VOPP1: variants seen among roughly 807,000 people sequenced by gnomAD.
The protein encoded by VOPP1 is VOPP1 WW domain binding protein.
A neutral mutation model predicts 23.5 loss-of-function variants in VOPP1; 8 were observed. That is an observed-to-expected ratio of 0.34 (90% CI 0.20 to 0.61). The LOEUF is 0.61. Among genes scored for constraint, VOPP1 ranks in the 20% least tolerant of loss-of-function variants. The probability of loss-of-function intolerance (pLI) is 0.78; values close to 1 mark genes in which losing one functional copy is unlikely to be tolerated. For missense variants in VOPP1, 174 were observed against 238.1 expected, an observed-to-expected ratio of 0.73 and a Z score of 1.77; for synonymous variants, 83 against 97.3, an observed-to-expected ratio of 0.85 and a Z score of 0.86.
intron 4 of VOPP1, among the ~76,000 whole-genome samples, chr7:55,476,716 C>T (rs541217600): frequency 6.6e-6 from 1 of 152,244 alleles, no homozygotes; most frequent in African/African-American, 2.4e-5. Context: ...TGCTCTGTCC[C>T]CTCTGGCCCA....
chr7:55,505,306 T>C (rs1794636464), intron 2 of VOPP1, among the ~76,000 whole-genome samples: 1 of 152,132 alleles, frequency 6.6e-6, no homozygotes, highest in East Asian at 1.9e-4. Flanking sequence ...AATCTTTCCA[T>C]GCCCTGAAGC....
At chr7:55,553,041 G>A (rs1584109682) in intron 1 of VOPP1, among the ~76,000 whole-genome samples, 1 of 152,192 alleles carries the variant, frequency 6.6e-6, no homozygotes, top group African/African-American at 2.4e-5. Context: ...CAGTGTTATT[G>A]CTACAGCAAA....
chr7:55,442,981 T>C (rs996953898), intron 4 of VOPP1, among the ~76,000 whole-genome samples: 21 of 151,810 alleles, frequency 1.4e-4, no homozygotes, highest in Admixed American at 8.5e-4. Context: ...TAGCCAGGCG[T>C]GGTGGCAGGC....
At chr7:55,559,259 TG>T (rs1797906668) in intron 1 of VOPP1, among the ~76,000 whole-genome samples, 1 of 152,198 alleles carries the variant, frequency 6.6e-6, no homozygotes, top group South Asian at 2.1e-4. Flanking sequence ...CTTCCACTCT[TG>T]GCAGCTTCTC....
At chr7:55,447,330 G>C (rs1345141890) in intron 4 of VOPP1, among the ~76,000 whole-genome samples, 1 of 152,210 alleles carries the variant, frequency 6.6e-6, no homozygotes, top group African/African-American at 2.4e-5. Context: ...TACCCGGCTA[G>C]TGAGGGGCAC....
chr7:55,511,329 A>C (rs887009905), intron 2 of VOPP1, among the ~76,000 whole-genome samples: 1 of 152,250 alleles, frequency 6.6e-6, no homozygotes, highest in African/African-American at 2.4e-5. Context: ...GCTTTGATTC[A>C]GCAATTCAAT....
chr7:55,557,598 C>G lies in VOPP1; in HGVS notation c.54+14673G>C, dbSNP rs529521748. Reference sequence around the variant, plus strand: ...AGGACCCATCTAACACCAACCCCACCCAAAATGAGTGCCCCATTAGAAAAT... The same window carrying G: ...AGGACCCATCTAACACCAACCCCACGCAAAATGAGTGCCCCATTAGAAAAT... On this transcript the variant is annotated intron_variant, in intron 1 of 4. Coordinates refer to ENST00000285279, the MANE Select transcript of VOPP1 (RefSeq NM_030796.5). Among the ~76,000 whole-genome samples the G allele has an allele frequency of 5.9e-5, 9 of 152,244 alleles. No individual in the cohort carries two copies. In the South Asian group the frequency reaches 1.9e-3, roughly 32 times the overall value.
chr7:55,488,886 T>C (rs1793349316), intron 4 of VOPP1, among the ~76,000 whole-genome samples: 1 of 152,188 alleles, frequency 6.6e-6, no homozygotes, highest in African/African-American at 2.4e-5. Flanking sequence ...AGGCATGACA[T>C]TTACCCTGTG....
chr7:55,529,511 C>T (rs370857801), intron 1 of VOPP1, among the ~76,000 whole-genome samples: 1 of 152,060 alleles, frequency 6.6e-6, no homozygotes, highest in Non-Finnish European at 1.5e-5. Context: ...TCTTTTAAAA[C>T]ATAATTATCA....
chr7:55,462,943 C>T (rs1016159280), intron 4 of VOPP1, among the ~76,000 whole-genome samples: 1 of 152,150 alleles, frequency 6.6e-6, no homozygotes, highest in African/African-American at 2.4e-5. Flanking sequence ...ATTCATTGAA[C>T]CCTTCAGTCC....
At chr7:55,437,034 A>C (rs548944223) in intron 4 of VOPP1, among the ~76,000 whole-genome samples, 1 of 152,374 alleles carries the variant, frequency 6.6e-6, no homozygotes, top group Admixed American at 6.5e-5. Context: ...CCCGAGCAGC[A>C]TAATCACACA....
chr7:55,540,461 ATTCC>A (rs1562612841), intron 1 of VOPP1, among the ~76,000 whole-genome samples: 1 of 151,796 alleles, frequency 6.6e-6, no homozygotes. Flanking sequence ...ATGAACTCCC[ATTCC>A]GTCCTTGTGT....
At chr7:55,506,383 T>C (rs542573976) in intron 2 of VOPP1, among the ~76,000 whole-genome samples, 146 of 152,392 alleles carry the variant, frequency 9.6e-4, no homozygotes, top group Non-Finnish European at 1.9e-3. Context: ...TGGCCCAGGC[T>C]GGAGTGCAGT....
At chr7:55,441,788 G>A (rs1411984031) in intron 4 of VOPP1, among the ~76,000 whole-genome samples, 1 of 152,078 alleles carries the variant, frequency 6.6e-6, no homozygotes, top group East Asian at 1.9e-4. Flanking sequence ...GGGAATAGCA[G>A]TCCCTCCCTT....
chr7:55,537,750 G>A (rs1439335835), intron 1 of VOPP1: 1 of 1,386,846 alleles, frequency 7.2e-7, no homozygotes, highest in Non-Finnish European at 9.3e-7. Context: ...AGTGTGAAAA[G>A]CAGGTCCGGC....
At chr7:55,480,813 G>A (rs996286718) in intron 4 of VOPP1, among the ~76,000 whole-genome samples, 2 of 152,200 alleles carry the variant, frequency 1.3e-5, no homozygotes, top group Admixed American at 6.5e-5. Flanking sequence ...AACAAAGACT[G>A]AATTCTCACT....
At chr7:55,546,325 G>A (rs1002271900) in intron 1 of VOPP1, among the ~76,000 whole-genome samples, 1 of 152,224 alleles carries the variant, frequency 6.6e-6, no homozygotes, top group African/African-American at 2.4e-5. Flanking sequence ...GAGAATAGTT[G>A]TACAAAGAGA....
chr7:55,481,988 T>C (rs985043518), intron 4 of VOPP1, among the ~76,000 whole-genome samples: 5 of 152,250 alleles, frequency 3.3e-5, no homozygotes, highest in African/African-American at 1.2e-4. Flanking sequence ...ATCAGATTAA[T>C]AGCAATGCAT....
At chr7:55,566,118 G>A (rs1798155843) in intron 1 of VOPP1, among the ~76,000 whole-genome samples, 1 of 152,174 alleles carries the variant, frequency 6.6e-6, no homozygotes, top group South Asian at 2.1e-4. Context: ...CATTTAATAT[G>A]AACCAAAAGG....
Sources: allele counts gnomAD v4.1 joint callset (sites outside exome capture counted in the v4.1 genomes callset), GRCh38; gene constraint gnomAD v4.1.1; transcripts MANE v1.5; gene names NCBI Gene and HGNC (gene_info 2026-07-23, HGNC 2026-07-21).